Variants in UBE2F observed in about 807,000 individuals in gnomAD.
The protein encoded by UBE2F is NEDD8-conjugating enzyme UBE2F.
Under a neutral mutation model 29.6 loss-of-function variants are expected in UBE2F, and 5 were observed. That is an observed-to-expected ratio of 0.17 (90% CI 0.09 to 0.36). UBE2F has a LOEUF of 0.36. Among genes scored for constraint, UBE2F ranks in the 10% least tolerant of loss-of-function variants. UBE2F has a pLI of 1.00. For synonymous variants in UBE2F, 66 were observed against 81.8 expected (o/e 0.81, Z 1.04); for missense variants, 141 against 228.5 (o/e 0.62, Z 2.47).
chr2:238,028,570 G>A (rs6431575), intron 6 of UBE2F, among the ~76,000 whole-genome samples: 129,124 of 152,288 alleles, frequency 0.85, 54,842 homozygotes, highest in East Asian at 0.97. Flanking sequence ...CAATACCTCT[G>A]TAGGGTAGAA....
intron 2 of UBE2F, among the ~76,000 whole-genome samples, chr2:237,976,873 T>G (rs114690979): frequency 0.014 from 2,071 of 152,208 alleles, 38 homozygotes; most frequent in African/African-American, 0.047. Context: ...GAGACTCAGG[T>G]TAAGAAACTT....
intron 5 of UBE2F, among the ~76,000 whole-genome samples, chr2:238,024,595 C>T (rs1049576749): frequency 6.6e-6 from 1 of 152,116 alleles, no homozygotes; most frequent in Admixed American, 6.5e-5. Flanking sequence ...CCTCCCACCT[C>T]GACCTCCCAA....
In UBE2F at chr2:237,971,512, C is replaced by T. The variant is rs537951650; in HGVS notation, c.-16-1580C>T. Reference sequence around the variant, plus strand: ...TAATTTTTTTGTATTTTAGTAGAGACGGGGTTTCACCATGTTGGCCAGGGT... The same window carrying T: ...TAATTTTTTTGTATTTTAGTAGAGATGGGGTTTCACCATGTTGGCCAGGGT... On this transcript the variant is annotated intron_variant, in intron 1 of 9. Transcript: ENST00000272930. Among the ~76,000 whole-genome samples the T allele has an allele frequency of 4.6e-5, 7 of 151,998 alleles. No individual in the cohort carries two copies. The South Asian group carries it at 6.2e-4, about 14-fold the overall frequency.
chr2:237,999,092 T>A (rs10186812), intron 4 of UBE2F, among the ~76,000 whole-genome samples: 108,060 of 151,142 alleles, frequency 0.71, 39,702 homozygotes, highest in East Asian at 0.92. Flanking sequence ...TTATTTATTT[T>A]TTTTTTTTGA....
chr2:238,031,061 C>G (rs1172950806), intron 7 of UBE2F, among the ~76,000 whole-genome samples: 1 of 152,232 alleles, frequency 6.6e-6, no homozygotes, highest in Admixed American at 6.5e-5. Flanking sequence ...CCTAGGGGAA[C>G]AGCACAGGAA....
intron 9 of UBE2F, among the ~76,000 whole-genome samples, chr2:238,041,057 C>G (rs927264973): frequency 1.3e-5 from 2 of 152,142 alleles, no homozygotes; most frequent in Non-Finnish European, 2.9e-5. Flanking sequence ...TCCACTCAGG[C>G]CTTCCACGTG....
In UBE2F at chr2:238,029,216, G is replaced by A. The variant is rs2064509575; in HGVS notation, c.354-1340G>A. On this transcript the variant is annotated intron_variant, in intron 6 of 9. Coordinates refer to ENST00000272930, the MANE Select transcript of UBE2F (RefSeq NM_080678.3). Reference sequence around the variant, plus strand: ...CCTGAGCATGGGCCCCCCACCTAAGGAGTGATTGATACTCAGAATTTTGCA... The same window carrying A: ...CCTGAGCATGGGCCCCCCACCTAAGAAGTGATTGATACTCAGAATTTTGCA... 2.0e-5 allele frequency among the ~76,000 whole-genome samples: 3 copies of A among 151,926 alleles called. No individual in the cohort carries two copies. In the South Asian group the frequency reaches 6.2e-4, roughly 32 times the overall value.
At chr2:238,033,833 G>A (rs535631738) in intron 8 of UBE2F, among the ~76,000 whole-genome samples, 1 of 152,276 alleles carries the variant, frequency 6.6e-6, no homozygotes, top group East Asian at 1.9e-4. Flanking sequence ...TCTGTCTTTG[G>A]CTTTTTCATT....
intron 9 of UBE2F, among the ~76,000 whole-genome samples, chr2:238,037,458 A>C (rs1302140453): frequency 6.6e-6 from 1 of 152,262 alleles, no homozygotes; most frequent in Non-Finnish European, 1.5e-5. Context: ...CTGCAGAGGC[A>C]GGCCATGTGT....
intron 2 of UBE2F, among the ~76,000 whole-genome samples, chr2:237,984,082 C>G (rs775957429): frequency 3.9e-5 from 6 of 151,950 alleles, no homozygotes; most frequent in Non-Finnish European, 8.8e-5. Context: ...CTTCCTACCC[C>G]TCCCCTACTC....
intron 9 of UBE2F, 146 bp from the exon 10 acceptor site, chr2:238,041,142 C>A: frequency 1.4e-6 from 1 of 720,156 alleles, no homozygotes; most frequent in Non-Finnish European, 2.4e-6. Context: ...GGCACTCAGA[C>A]TCCGCAAGGT....
At position 237,969,872 on chromosome 2, in the gene UBE2F, G is replaced by A. The variant is rs114235990; in HGVS notation, c.-17+2740G>A. On this transcript the variant is annotated intron_variant, in intron 1 of 9. Coordinates refer to ENST00000272930, the MANE Select transcript of UBE2F (RefSeq NM_080678.3). ...TTCATCAGCTGAACCCAGCTGCTTT[G>A]CTCTGGGCGAAGCTGTGAAGATGTG... Among the ~76,000 whole-genome samples, 279 of 152,316 alleles carry A rather than the reference G, an allele frequency of 1.8e-3. 2 individuals carry two copies. Among genetic ancestry groups the A allele is most frequent in the African/African-American group, 6.3e-3 (263 of 41,558 alleles).
In UBE2F at chr2:238,026,976, C is replaced by T. The variant is rs149792138; in HGVS notation, c.353+1564C>T. On this transcript the variant is annotated intron_variant, in intron 6 of 9. Transcript: ENST00000272930. ...TGTTTGGCCCAGGCCCCCACTGCCCCGCTTCCTCCTGTGCTTGTGAGGACA... is the reference window on the plus strand; with the variant it reads ...TGTTTGGCCCAGGCCCCCACTGCCCTGCTTCCTCCTGTGCTTGTGAGGACA... 5.3e-5 allele frequency among the ~76,000 whole-genome samples: 8 copies of T among 152,342 alleles called. No individual in the cohort carries two copies. The East Asian group carries it at 1.3e-3, about 26-fold the overall frequency.
At chr2:237,998,016 C>T (rs1559211135) in intron 4 of UBE2F, among the ~76,000 whole-genome samples, 1 of 152,146 alleles carries the variant, frequency 6.6e-6, no homozygotes, top group African/African-American at 2.4e-5. Context: ...CAGTGAGTGG[C>T]CTGGCTGACA....
At chr2:237,987,081 G>T (rs2063493210) in intron 2 of UBE2F, among the ~76,000 whole-genome samples, 1 of 152,178 alleles carries the variant, frequency 6.6e-6, no homozygotes, top group South Asian at 2.1e-4. Flanking sequence ...GCTTTGGGTA[G>T]TATGGACATT....
intron 2 of UBE2F, among the ~76,000 whole-genome samples, chr2:237,977,642 C>G (rs1367890819): frequency 6.6e-6 from 1 of 151,938 alleles, no homozygotes; most frequent in African/African-American, 2.4e-5. Context: ...GGAGTTATGG[C>G]GGAAGTGGTG....
chr2:237,987,207 A>G (rs1305330933), intron 2 of UBE2F, among the ~76,000 whole-genome samples: 1 of 151,942 alleles, frequency 6.6e-6, no homozygotes, highest in East Asian at 1.9e-4. Flanking sequence ...CAGATCTTTT[A>G]TCTCCTTAAA....
chr2:238,014,867 T>G (rs1374950633), intron 4 of UBE2F, among the ~76,000 whole-genome samples: 1 of 152,236 alleles, frequency 6.6e-6, no homozygotes, highest in Non-Finnish European at 1.5e-5. Context: ...AAAGTTCTTA[T>G]ATCTGGAGTT....
chr2:238,036,749 C>G (rs1485103065), intron 9 of UBE2F, among the ~76,000 whole-genome samples: 1 of 152,144 alleles, frequency 6.6e-6, no homozygotes, highest in Non-Finnish European at 1.5e-5. Context: ...TTGCTTGTGC[C>G]CGGGAAGTTG....
Sources: gnomAD v4.1 joint callset for allele counts (sites outside exome capture counted in the v4.1 genomes callset) on GRCh38, gnomAD v4.1.1 for gene constraint, MANE v1.5 for transcripts, NCBI Gene and HGNC (gene_info 2026-07-23, HGNC 2026-07-21) for gene names.